ELP4: variants seen among roughly 807,000 people sequenced by gnomAD.
ELP4 encodes elongator acetyltransferase complex subunit 4.
Under a neutral mutation model 48.9 loss-of-function variants are expected in ELP4, and 51 were observed. That is an observed-to-expected ratio of 1.04 (90% CI 0.83 to 1.32). The LOEUF is 1.32. Among genes scored for constraint, ELP4 ranks in the 40% most tolerant of loss-of-function variants. The pLI is 0.00. For synonymous variants in ELP4, 210 were observed against 189.2 expected (o/e 1.11, Z -0.90); for missense variants, 519 against 514.6 (o/e 1.01, Z -0.08).
intron 9 of ELP4, among the ~76,000 whole-genome samples, chr11:31,683,949 T>C (rs1390564991): frequency 6.6e-6 from 1 of 152,156 alleles, no homozygotes; most frequent in Non-Finnish European, 1.5e-5. Flanking sequence ...GATATCAACA[T>C]GGTTTTGGTT....
At chr11:31,658,361 TTA>T (rs10534524) in intron 9 of ELP4, among the ~76,000 whole-genome samples, 90,710 of 149,894 alleles carry the variant, frequency 0.61, 31,136 homozygotes, top group Non-Finnish European at 0.76. Flanking sequence ...TGATGTTATT[TTA>T]TATATATATA....
chr11:31,767,319 G>A (rs1312374075), intron 9 of ELP4: 1 of 151,348 alleles, frequency 6.6e-6, no homozygotes, highest in Non-Finnish European at 1.5e-5. Context: ...TGTGAGACAG[G>A]ATTTAGCCGA....
chr11:31,519,829 CAAA>C (rs1045221587), intron 1 of ELP4, among the ~76,000 whole-genome samples: 11 of 76,002 alleles, frequency 1.4e-4, no homozygotes, highest in Admixed American at 1.4e-4. Flanking sequence ...GACTCCATCT[CAAA>C]AAAAAAAAAA....
chr11:31,787,965 T>C lies in ELP4; in HGVS notation c.*4441T>C, dbSNP rs1452069622. 5.8e-5 allele frequency: 13 copies of C among 223,200 alleles called. No individual in the cohort carries two copies. The highest frequency in any genetic ancestry group is 1.4e-3 in the Middle Eastern group (1 of 722). The allele number at this position is 223,200 out of a possible 1,614,324, so 13.8% of individuals were successfully genotyped here. ...CTTTGTCCCCAGAGGTTTCTGCATG[T>C]GCAAGCATTTTAATCTAGACTGCCA... On this transcript the variant is annotated 3_prime_UTR_variant, in exon 10 of 10. Coordinates refer to ENST00000640961, the MANE Select transcript of ELP4 (RefSeq NM_019040.5).
intron 3 of ELP4, among the ~76,000 whole-genome samples, chr11:31,566,319 C>G (rs564294378): frequency 7.2e-5 from 11 of 151,926 alleles, no homozygotes; most frequent in Non-Finnish European, 1.5e-4. Context: ...GATTGCGCCA[C>G]TGCACTCTAT....
chr11:31,790,057 C>T lies in ELP4; in HGVS notation c.*6533C>T. ...GAAAGAAATAGCCATGTAGATATTC[C>T]CTTTGAGAAACAGACATGGAATACA... is the stretch of plus-strand genomic sequence containing the variant. On this transcript the variant is annotated 3_prime_UTR_variant, in exon 10 of 10. Coordinates refer to ENST00000640961, the MANE Select transcript of ELP4 (RefSeq NM_019040.5). 1.9e-6 allele frequency: 2 copies of T among 1,047,260 alleles called. No homozygotes were observed. The highest frequency in any genetic ancestry group is 2.8e-6 in the Non-Finnish European group (2 of 722,292). The allele number at this position is 1,047,260 out of a possible 1,614,324, so 64.9% of individuals were successfully genotyped here. A position where few individuals can be genotyped will look rare whatever the true frequency, so the allele number is the denominator to read the frequency against.
At chr11:31,617,183 A>T (rs1259956509) in intron 5 of ELP4, among the ~76,000 whole-genome samples, 3 of 152,134 alleles carry the variant, frequency 2.0e-5, no homozygotes, top group African/African-American at 7.2e-5. Flanking sequence ...CAACTGATGA[A>T]CTGATAAATA....
chr11:31,561,844 ATAAAAT>A (rs1328456662), intron 3 of ELP4, among the ~76,000 whole-genome samples: 1 of 152,242 alleles, frequency 6.6e-6, no homozygotes, highest in Non-Finnish European at 1.5e-5. Flanking sequence ...AAGAAAATTG[ATAAAAT>A]TAATACATAC....
intron 1 of ELP4, among the ~76,000 whole-genome samples, chr11:31,519,460 C>T (rs1029534961): frequency 1.3e-5 from 2 of 152,060 alleles, no homozygotes; most frequent in East Asian, 3.9e-4. Context: ...TCCTTAACCA[C>T]AGTTAGGTTG....
intron 2 of ELP4, among the ~76,000 whole-genome samples, chr11:31,521,826 C>G (rs1432605563): frequency 6.6e-6 from 1 of 152,094 alleles, no homozygotes; most frequent in Non-Finnish European, 1.5e-5. Context: ...TAGCATATTG[C>G]TATTAAAAAT....
intron 2 of ELP4, among the ~76,000 whole-genome samples, chr11:31,529,279 A>G (rs1344389497): frequency 3.3e-5 from 5 of 152,128 alleles, no homozygotes; most frequent in Non-Finnish European, 5.9e-5. Context: ...ACCCACAGTG[A>G]GAAAAAGAAG....
At chr11:31,709,372 G>A (rs2134169057) in intron 9 of ELP4, among the ~76,000 whole-genome samples, 1 of 152,256 alleles carries the variant, frequency 6.6e-6, no homozygotes, top group African/African-American at 2.4e-5. Flanking sequence ...AAACTGAAAA[G>A]CTGCTCCTAA....
At chr11:31,751,253 A>C (rs973589181) in intron 9 of ELP4, among the ~76,000 whole-genome samples, 24 of 152,236 alleles carry the variant, frequency 1.6e-4, no homozygotes, top group African/African-American at 5.8e-4. Flanking sequence ...CAAAGCCTAA[A>C]GTTCTTTTAA....
intron 3 of ELP4, among the ~76,000 whole-genome samples, chr11:31,563,514 C>T (rs61878484): frequency 0.088 from 13,329 of 151,926 alleles, 829 homozygotes; most frequent in Non-Finnish European, 0.13. Context: ...GTAAATGTTT[C>T]TAGTGAGGAA....
intron 1 of ELP4, chr11:31,511,654 C>T (rs1031472166): frequency 2.0e-5 from 3 of 152,182 alleles, no homozygotes; most frequent in African/African-American, 7.2e-5. Context: ...GTGCTCTTTG[C>T]ACTAGGCTAC....
chr11:31,574,819 C>T (rs545907781), intron 3 of ELP4, among the ~76,000 whole-genome samples: 1 of 152,182 alleles, frequency 6.6e-6, no homozygotes, highest in East Asian at 1.9e-4. Flanking sequence ...GATAAAACCA[C>T]AAATATCTGG....
chr11:31,524,769 A>G (rs1166752173), intron 2 of ELP4, among the ~76,000 whole-genome samples: 2 of 152,198 alleles, frequency 1.3e-5, no homozygotes, highest in African/African-American at 4.8e-5. Flanking sequence ...TACATCATGC[A>G]ATAAATTCTG....
At chr11:31,600,596 T>C (rs1328521828) in intron 4 of ELP4, 1 of 152,124 alleles carries the variant, frequency 6.6e-6, no homozygotes, top group Non-Finnish European at 1.5e-5. Flanking sequence ...GACACAATAA[T>C]AACAATGAAT....
intron 9 of ELP4, chr11:31,650,516 C>T (rs1945297901): frequency 4.0e-6 from 1 of 249,880 alleles, no homozygotes; most frequent in African/African-American, 2.2e-5. Flanking sequence ...CTTTGAAAAG[C>T]ATATTTAATT....
Sources: gnomAD v4.1 joint callset for allele counts (sites outside exome capture counted in the v4.1 genomes callset) on GRCh38, gnomAD v4.1.1 for gene constraint, MANE v1.5 for transcripts, NCBI Gene and HGNC (gene_info 2026-07-23, HGNC 2026-07-21) for gene names.